Variants in LOC112694756 observed in about 807,000 individuals in gnomAD.
chr16:30,058,009 C>T, the LOC112694756 span, among the ~76,000 whole-genome samples: 77 of 152,194 alleles, frequency 5.1e-4, 4 homozygotes, highest in South Asian at 0.016. Context: ...GGCCCCCTGT[C>T]CTGGGGATGC....
chr16:30,063,961 C>G, the LOC112694756 span: 1 of 398,964 alleles, frequency 2.5e-6, no homozygotes. Flanking sequence ...GCACCCAGGC[C>G]TGGGAACTGG....
chr16:30,067,177 G>C, the LOC112694756 span: 1 of 1,609,068 alleles, frequency 6.2e-7, no homozygotes, highest in East Asian at 2.2e-5. Context: ...CCTGGTCATC[G>C]GGAGATGATG....
At chr16:30,062,291 T>C in the LOC112694756 span, among the ~76,000 whole-genome samples, 17 of 152,226 alleles carry the variant, frequency 1.1e-4, no homozygotes, top group African/African-American at 4.1e-4. Context: ...CCCAGCACTT[T>C]GGGAGACCAA....
the LOC112694756 span, among the ~76,000 whole-genome samples, chr16:30,057,864 G>A: frequency 2.0e-5 from 3 of 151,948 alleles, no homozygotes; most frequent in African/African-American, 7.3e-5. Flanking sequence ...CCAGTAGGCA[G>A]AGATTGCGGT....
the LOC112694756 span, among the ~76,000 whole-genome samples, chr16:30,061,795 A>G: frequency 6.6e-6 from 1 of 151,046 alleles, no homozygotes; most frequent in Non-Finnish European, 1.5e-5. Context: ...CCTGACCTTA[A>G]GTGATCCGCC....
the LOC112694756 span, among the ~76,000 whole-genome samples, chr16:30,059,930 C>T: frequency 1.3e-5 from 2 of 151,952 alleles, no homozygotes; most frequent in Non-Finnish European, 2.9e-5. Flanking sequence ...TTCCTTCCAC[C>T]GATTCCCGAC....
chr16:30,060,750 A>C, the LOC112694756 span, among the ~76,000 whole-genome samples: 1 of 152,090 alleles, frequency 6.6e-6, no homozygotes, highest in Non-Finnish European at 1.5e-5. Flanking sequence ...GAGACTCCCT[A>C]GAGACACCCC....
chr16:30,069,514 T>C, the LOC112694756 span: 1 of 1,614,110 alleles, frequency 6.2e-7, no homozygotes, highest in Non-Finnish European at 8.5e-7. Flanking sequence ...GGCTGCTGTC[T>C]ACAAGGCTCT....
At chr16:30,067,660 A>G in the LOC112694756 span, 4 of 1,614,112 alleles carry the variant, frequency 2.5e-6, no homozygotes, top group Middle Eastern at 1.6e-4. Flanking sequence ...GTGGGCATCA[A>G]GGTAAGGGGA....
At chr16:30,061,959 T>G in the LOC112694756 span, among the ~76,000 whole-genome samples, 7 of 151,790 alleles carry the variant, frequency 4.6e-5, no homozygotes, top group Non-Finnish European at 7.4e-5. Flanking sequence ...TCCCAGCACT[T>G]TGGGAGGCCG....
At chr16:30,064,575 G>A in the LOC112694756 span, 1 of 398,544 alleles carries the variant, frequency 2.5e-6, no homozygotes, top group South Asian at 1.3e-4. Flanking sequence ...CCCCCATGCC[G>A]GGCCCCACGA....
At chr16:30,062,932 C>G in the LOC112694756 span, among the ~76,000 whole-genome samples, 1 of 151,754 alleles carries the variant, frequency 6.6e-6, no homozygotes, top group Non-Finnish European at 1.5e-5. Flanking sequence ...CATCTGAGGC[C>G]AGGAGTTCCG....
chr16:30,067,330 C>T, the LOC112694756 span: 1 of 1,613,740 alleles, frequency 6.2e-7, no homozygotes, highest in Non-Finnish European at 8.5e-7. Flanking sequence ...CATCGTGGCA[C>T]CTGGCAAGGG....
the LOC112694756 span, chr16:30,054,741 C>T: frequency 2.5e-6 from 1 of 399,420 alleles, no homozygotes; most frequent in Non-Finnish European, 4.4e-6. Flanking sequence ...TCCTGCAGCC[C>T]CTCTCCATCT....
the LOC112694756 span, among the ~76,000 whole-genome samples, chr16:30,058,469 C>G: frequency 2.6e-5 from 4 of 151,868 alleles, no homozygotes; most frequent in African/African-American, 9.7e-5. Flanking sequence ...CTCGCCTGCT[C>G]TGCTTCTTTT....
the LOC112694756 span, chr16:30,066,985 G>A: frequency 6.4e-7 from 1 of 1,559,058 alleles, no homozygotes; most frequent in Non-Finnish European, 8.7e-7. Context: ...AGTTGCCAGT[G>A]GGCAACTCCA....
At chr16:30,067,364 C>CT in the LOC112694756 span, 1 of 1,614,064 alleles carries the variant, frequency 6.2e-7, no homozygotes, top group Non-Finnish European at 8.5e-7. Context: ...GATGAGTCCA[C>CT]TGGTGCGGGC....
chr16:30,069,782 TC>T, the LOC112694756 span: 3 of 1,613,068 alleles, frequency 1.9e-6, no homozygotes, highest in Admixed American at 5.0e-5. Context: ...CCTGCCAGCT[TC>T]CTGGGTCTCT....
the LOC112694756 span, chr16:30,070,063 GGTGGATGGGACTCGGAGAAGAGCCC>G: frequency 6.2e-7 from 1 of 1,613,472 alleles, no homozygotes; most frequent in Non-Finnish European, 8.5e-7. Context: ...AGGGTGCCTG[GGTGGATGGGACTCGGAGAAGAGCCC>G]TTCTCACTCC....
Sources: gnomAD v4.1 joint callset for allele counts (sites outside exome capture counted in the v4.1 genomes callset) on GRCh38, gnomAD v4.1.1 for gene constraint, MANE v1.5 for transcripts.